Variants in SCEL observed in about 807,000 individuals in gnomAD.
The protein encoded by SCEL is sciellin.
Under a neutral mutation model 117.6 loss-of-function variants are expected in SCEL, and 113 were observed. That is an observed-to-expected ratio of 0.96 (90% CI 0.83 to 1.12). The LOEUF (loss-of-function observed/expected upper bound fraction) is 1.12. SCEL is among the 50% of genes most tolerant of loss of function. The probability of loss-of-function intolerance (pLI) is 0.00; values close to 1 mark genes in which losing one functional copy is unlikely to be tolerated. For missense variants in SCEL, 785 were observed against 810.8 expected (o/e 0.97, Z 0.39); for synonymous variants, 270 against 256.2 (o/e 1.05, Z -0.51).
intron 1 of SCEL, among the ~76,000 whole-genome samples, chr13:77,550,284 G>A (rs1363782142): frequency 6.6e-6 from 1 of 151,612 alleles, no homozygotes; most frequent in African/African-American, 2.4e-5. Context: ...TACTCAGGAG[G>A]CTGAGGCACG....
At chr13:77,597,493 GA>G (rs1249687750) in intron 12 of SCEL, 51 bp from the exon 13 acceptor site, 1 of 1,074,074 alleles carries the variant, frequency 9.3e-7, no homozygotes, top group Non-Finnish European at 1.4e-6. Flanking sequence ...TTTACCCTTT[GA>G]CCCTGGGCAA....
chr13:77,634,431 A>G lies in SCEL; in HGVS notation c.1744A>G (p.Arg582Gly), dbSNP rs780793443. 1.7e-5 allele frequency: 28 copies of G among 1,612,614 alleles called. No homozygotes were observed. The highest frequency in any genetic ancestry group is 2.4e-5 in the Non-Finnish European group (28 of 1,178,952). Residue 582 changes from arginine to glycine, a missense_variant, in exon 29 of 33, where the codon AGG becomes GGG. By Grantham distance (125) the Arg-to-Gly change is moderately radical. Transcript: ENST00000349847. ...ACCACAGGATACTGTTGTGTACACAAGGACATATGTGGAGAATAGGTATTC... is the reference window on the plus strand; with the variant it reads ...ACCACAGGATACTGTTGTGTACACAGGGACATATGTGGAGAATAGGTATTC... Reference protein sequence around the residue: ...AGPQDTVVYTRTYVENSKSPK... With the variant: ...AGPQDTVVYTGTYVENSKSPK...
chr13:77,599,795 G>A, intron 15 of SCEL, 47 bp downstream of exon 15: 6 of 1,365,784 alleles, frequency 4.4e-6, no homozygotes, highest in Non-Finnish European at 3.1e-6. Context: ...CCCAGATGGT[G>A]TACTATTTTC....
chr13:77,632,698 A>T (rs1594184408), intron 28 of SCEL, among the ~76,000 whole-genome samples: 1 of 152,348 alleles, frequency 6.6e-6, no homozygotes, highest in East Asian at 1.9e-4. Flanking sequence ...AACATGGAGG[A>T]GGAAAAGGAG....
At chr13:77,595,402 G>C (rs1329581530) in intron 12 of SCEL, among the ~76,000 whole-genome samples, 1 of 152,194 alleles carries the variant, frequency 6.6e-6, no homozygotes, top group Non-Finnish European at 1.5e-5. Flanking sequence ...AAATGCAATG[G>C]TGAAACTTAA....
chr13:77,642,440 G>A (rs1344938240), intron 31 of SCEL, among the ~76,000 whole-genome samples: 2 of 152,162 alleles, frequency 1.3e-5, no homozygotes, highest in Non-Finnish European at 2.9e-5. Context: ...TGCCTGGACA[G>A]CATAACTAGC....
At chr13:77,603,197 A>G in intron 18 of SCEL, 62 bp downstream of exon 18, 1 of 1,128,572 alleles carries the variant, frequency 8.9e-7, no homozygotes. Flanking sequence ...AGATAAAATA[A>G]TTTGGCTTTT....
At chr13:77,557,964 A>C (rs1327435525) in intron 3 of SCEL, among the ~76,000 whole-genome samples, 1 of 152,198 alleles carries the variant, frequency 6.6e-6, no homozygotes, top group African/African-American at 2.4e-5. Context: ...ATTTCAAGGA[A>C]ATATATGGGT....
chr13:77,623,808 T>G (rs972809800), intron 27 of SCEL, among the ~76,000 whole-genome samples: 1 of 152,032 alleles, frequency 6.6e-6, no homozygotes, highest in South Asian at 2.1e-4. Context: ...CAGCCAGGAG[T>G]TGAAAGCCAG....
chr13:77,570,237 G>GT (rs1321397034), intron 8 of SCEL, among the ~76,000 whole-genome samples: 1 of 152,170 alleles, frequency 6.6e-6, no homozygotes, highest in African/African-American at 2.4e-5. Flanking sequence ...GACTGATTCT[G>GT]TTTTTTCCTT....
At chr13:77,550,244 G>T (rs1165048629) in intron 1 of SCEL, among the ~76,000 whole-genome samples, 3 of 151,886 alleles carry the variant, frequency 2.0e-5, no homozygotes, top group African/African-American at 7.2e-5. Flanking sequence ...AAATTAGCCA[G>T]ATGTGGTGGC....
chr13:77,629,231 A>T (rs542758855), intron 28 of SCEL, among the ~76,000 whole-genome samples: 1 of 152,126 alleles, frequency 6.6e-6, no homozygotes, highest in Non-Finnish European at 1.5e-5. Context: ...GACCTGAAGA[A>T]GTTTGGAACC....
intron 1 of SCEL, among the ~76,000 whole-genome samples, chr13:77,550,612 T>A (rs375623488): frequency 3.7e-4 from 57 of 152,274 alleles, no homozygotes; most frequent in African/African-American, 1.3e-3. Context: ...AATGGAATCA[T>A]ACAATGTGTC....
Position 77,568,145 on chromosome 13 carries a change from A to T in SCEL, c.360-150A>T, listed in dbSNP as rs377462839. ...GTACAAGAGACAAAATCATGAAATC[A>T]TCTTATGAAATTTATTAAAATATGA... On this transcript the variant is annotated intron_variant, in intron 6 of 32. Coordinates refer to ENST00000349847, the MANE Select transcript of SCEL (RefSeq NM_144777.3). 1.3e-4 allele frequency: 77 copies of T among 610,100 alleles called. No homozygotes were observed. The East Asian group carries it at 1.3e-3, about 11-fold the overall frequency. The allele number at this position is 610,100 out of a possible 1,614,324, so 37.8% of individuals were successfully genotyped here. A position where few individuals can be genotyped will look rare whatever the true frequency, so the allele number is the denominator to read the frequency against.
At chr13:77,598,973 C>T (rs748123626) in intron 13 of SCEL, among the ~76,000 whole-genome samples, 18 of 152,162 alleles carry the variant, frequency 1.2e-4, no homozygotes, top group Non-Finnish European at 2.1e-4. Flanking sequence ...TAAGCCACTA[C>T]ACCTAGCCTG....
intron 12 of SCEL, among the ~76,000 whole-genome samples, chr13:77,595,275 A>G (rs1198803116): frequency 6.6e-6 from 1 of 152,178 alleles, no homozygotes; most frequent in Non-Finnish European, 1.5e-5. Flanking sequence ...GGTAGTCATC[A>G]TAGAGTATTG....
intron 3 of SCEL, 88 bp downstream of exon 3, chr13:77,556,801 A>C (rs1279323379): frequency 2.2e-6 from 2 of 918,706 alleles, no homozygotes; most frequent in Non-Finnish European, 3.5e-6. Context: ...TGAAAAGTGA[A>C]TACTTTTCTC....
At chr13:77,628,090 TATATAAA>T in intron 28 of SCEL, 81 bp downstream of exon 28, 3 of 280,268 alleles carry the variant, frequency 1.1e-5, no homozygotes, top group Non-Finnish European at 1.3e-5. Flanking sequence ...GAAGATTATA[TATATAAA>T]ATATAATATT....
In SCEL at chr13:77,606,125, CATGT is replaced by C. The variant is rs1349405598; in HGVS notation, c.1157+1715_1157+1718del. 2.6e-5 allele frequency among the ~76,000 whole-genome samples: 4 copies of C among 152,260 alleles called. No homozygotes were observed. In the East Asian group the frequency reaches 7.7e-4, roughly 29 times the overall value. ...ATGTGTGCATTCATGTGCATGTCTA[CATGT>C]ATGTGTCTATATGCATATGTAATTT... On this transcript the variant is annotated intron_variant, in intron 19 of 32. Transcript: ENST00000349847.
Sources: allele counts gnomAD v4.1 joint callset (sites outside exome capture counted in the v4.1 genomes callset), GRCh38; gene constraint gnomAD v4.1.1; transcripts MANE v1.5; gene names NCBI Gene and HGNC (gene_info 2026-07-23, HGNC 2026-07-21).